HS6ST3: variants seen among roughly 807,000 people sequenced by gnomAD.
The protein encoded by HS6ST3 is heparan sulfate 6-O-sulfotransferase 3, also known as heparan-sulfate 6-O-sulfotransferase 3.
A neutral mutation model predicts 36.7 loss-of-function variants in HS6ST3; 12 were observed. The observed-to-expected ratio is 0.33, with a 90% CI of 0.21 to 0.53. The LOEUF (loss-of-function observed/expected upper bound fraction) is 0.53. HS6ST3 is among the 20% of genes least tolerant of loss of function. HS6ST3 has a pLI of 0.95. For missense variants in HS6ST3, 584 were observed against 640.9 expected, an observed-to-expected ratio of 0.91 and a Z score of 0.96; for synonymous variants, 240 against 257.5, an observed-to-expected ratio of 0.93 and a Z score of 0.65.
At chr13:96,523,142 A>C (rs1304907396) in intron 1 of HS6ST3, among the ~76,000 whole-genome samples, 1 of 152,186 alleles carries the variant, frequency 6.6e-6, no homozygotes, top group Non-Finnish European at 1.5e-5. Context: ...GCTGGATATG[A>C]AATTCTGGGT....
At chr13:96,153,808 A>T (rs1391976086) in intron 1 of HS6ST3, among the ~76,000 whole-genome samples, 1 of 152,254 alleles carries the variant, frequency 6.6e-6, no homozygotes, top group Non-Finnish European at 1.5e-5. Flanking sequence ...AGGAATTTCC[A>T]ACCAGAATAT....
chr13:96,127,621 T>C (rs1445543408), intron 1 of HS6ST3, among the ~76,000 whole-genome samples: 6 of 152,226 alleles, frequency 3.9e-5, no homozygotes, highest in Non-Finnish European at 7.3e-5. Flanking sequence ...GTTATCAGGC[T>C]TTCTTGGTTC....
At chr13:96,342,050 C>T (rs1269057701) in intron 1 of HS6ST3, among the ~76,000 whole-genome samples, 1 of 151,924 alleles carries the variant, frequency 6.6e-6, no homozygotes, top group East Asian at 1.9e-4. Context: ...TTGTTATCTT[C>T]TCTCCACCAC....
At position 96,091,517 on chromosome 13, in the gene HS6ST3, G is replaced by C. The variant is rs1457026412; in HGVS notation, c.655G>C (p.Val219Leu). Residue 219 changes from valine to leucine, a missense_variant, in exon 1 of 2, where the codon GTG (valine) becomes CTG (leucine). By Grantham distance (32) the Val-to-Leu change is conservative. This residue lies in a region of HS6ST3 where 360 missense variants were observed against 411.3 expected (regional missense o/e 0.88). Transcript: ENST00000376705. ...HADWTELTNCVPAIMEKKDCP... is the reference protein window; with the variant it reads ...HADWTELTNCLPAIMEKKDCP... ...CGACTGGACGGAGCTCACCAACTGC[G>C]TGCCGGCCATCATGGAGAAGAAGGA... 6.3e-7 allele frequency: 1 copy of C among 1,595,808 alleles called. No individual in the cohort carries two copies. The highest frequency in any genetic ancestry group is 1.1e-5 in the South Asian group (1 of 89,058).
At chr13:96,413,075 C>T (rs1388385601) in intron 1 of HS6ST3, among the ~76,000 whole-genome samples, 1 of 152,098 alleles carries the variant, frequency 6.6e-6, no homozygotes, top group African/African-American at 2.4e-5. Flanking sequence ...TGAGAGCATG[C>T]CCATCAAGCA....
chr13:96,823,202 T>C lies in HS6ST3; in HGVS notation c.708-9288T>C, dbSNP rs574856874. ...CTGGATACTATTGGCAAAAACCATA[T>C]TGAGTCATTTTGACAATGAAACAGG... On this transcript the variant is annotated intron_variant, in intron 1 of 1. Coordinates refer to ENST00000376705, the MANE Select transcript of HS6ST3 (RefSeq NM_153456.4). Among the ~76,000 whole-genome samples, 3 of 152,324 alleles carry C rather than the reference T, an allele frequency of 2.0e-5. No individual in the cohort carries two copies. In the South Asian group the frequency reaches 6.2e-4, roughly 32 times the overall value.
chr13:96,121,706 A>G (rs1487546556), intron 1 of HS6ST3, among the ~76,000 whole-genome samples: 1 of 152,160 alleles, frequency 6.6e-6, no homozygotes, highest in Non-Finnish European at 1.5e-5. Context: ...TGGTGACTCC[A>G]TTTGGAGGAG....
Position 96,643,894 on chromosome 13 carries a change from G to A in HS6ST3, c.708-188596G>A, listed in dbSNP as rs118057228. 4.6e-5 allele frequency among the ~76,000 whole-genome samples: 7 copies of A among 151,984 alleles called. No individual in the cohort carries two copies. The East Asian group carries it at 1.4e-3, about 30-fold the overall frequency. On this transcript the variant is annotated intron_variant, in intron 1 of 1. Transcript: ENST00000376705. ...AGGGCAAGTTAAAATAACATACAAT[G>A]TGCTTTTCTTAATAAAATTTAGCTT...
intron 1 of HS6ST3, among the ~76,000 whole-genome samples, chr13:96,412,332 A>C (rs573727073): frequency 6.5e-4 from 99 of 152,298 alleles, no homozygotes; most frequent in Non-Finnish European, 1.2e-3. Flanking sequence ...GGAGAAGTCC[A>C]GCAGAGGACT....
At chr13:96,324,409 G>T (rs1018492944) in intron 1 of HS6ST3, among the ~76,000 whole-genome samples, 9 of 152,184 alleles carry the variant, frequency 5.9e-5, no homozygotes, top group African/African-American at 2.2e-4. Flanking sequence ...TGTGGAATCT[G>T]CTGTTAGGGC....
chr13:96,788,566 G>A (rs1468722005), intron 1 of HS6ST3, among the ~76,000 whole-genome samples: 1 of 151,846 alleles, frequency 6.6e-6, no homozygotes, highest in Non-Finnish European at 1.5e-5. Flanking sequence ...TCCATTGGTT[G>A]ATGGTGTTTT....
At chr13:96,758,353 C>T (rs761066558) in intron 1 of HS6ST3, among the ~76,000 whole-genome samples, 3 of 151,770 alleles carry the variant, frequency 2.0e-5, no homozygotes, top group Admixed American at 6.6e-5. Context: ...TTTTAACAAA[C>T]GTATTTCAAA....
chr13:96,733,673 T>C (rs1315932896), intron 1 of HS6ST3, among the ~76,000 whole-genome samples: 1 of 152,170 alleles, frequency 6.6e-6, no homozygotes, highest in Non-Finnish European at 1.5e-5. Context: ...ACCAATGAAA[T>C]GGGTATAATA....
At chr13:96,440,464 G>A (rs148433594) in intron 1 of HS6ST3, among the ~76,000 whole-genome samples, 2,102 of 135,210 alleles carry the variant, frequency 0.016, 31 homozygotes, top group South Asian at 0.039. Flanking sequence ...AGAAAGGAAA[G>A]GGGAGGGGAG....
intron 1 of HS6ST3, among the ~76,000 whole-genome samples, chr13:96,434,358 T>C (rs1394201721): frequency 6.6e-6 from 1 of 152,206 alleles, no homozygotes; most frequent in African/African-American, 2.4e-5. Flanking sequence ...TTTCTTCTTA[T>C]TTTGCTGTTC....
At chr13:96,693,051 A>G (rs1875012227) in intron 1 of HS6ST3, among the ~76,000 whole-genome samples, 3 of 152,180 alleles carry the variant, frequency 2.0e-5, no homozygotes, top group African/African-American at 7.2e-5. Flanking sequence ...ATGTCCATCT[A>G]CAATCCCAAT....
chr13:96,752,989 G>A (rs1054850285), intron 1 of HS6ST3, among the ~76,000 whole-genome samples: 3 of 152,016 alleles, frequency 2.0e-5, no homozygotes, highest in Middle Eastern at 3.2e-3. Flanking sequence ...CCCACATATC[G>A]CTGAACAGTT....
chr13:96,242,245 A>G (rs186520693), intron 1 of HS6ST3, among the ~76,000 whole-genome samples: 1 of 150,334 alleles, frequency 6.7e-6, no homozygotes, highest in African/African-American at 2.4e-5. Context: ...TTTTTGAGAT[A>G]AGATCTCACT....
At chr13:96,448,987 G>A (rs1027243684) in intron 1 of HS6ST3, among the ~76,000 whole-genome samples, 1 of 152,074 alleles carries the variant, frequency 6.6e-6, no homozygotes, top group Non-Finnish European at 1.5e-5. Context: ...TTTAGAGACA[G>A]GGTCTCAGTT....
Sources: allele counts gnomAD v4.1 joint callset (sites outside exome capture counted in the v4.1 genomes callset), GRCh38; gene constraint gnomAD v4.1.1; regional missense constraint gnomAD v4.1.1; transcripts MANE v1.5; gene names NCBI Gene and HGNC (gene_info 2026-07-23, HGNC 2026-07-21).